Variants in CLIP4 observed in about 807,000 individuals in gnomAD.
The protein encoded by CLIP4 is CAP-Gly domain containing linker protein family member 4.
A neutral mutation model predicts 73.1 loss-of-function variants in CLIP4; 47 were observed. The observed-to-expected ratio is 0.64, with a 90% CI of 0.51 to 0.82. The LOEUF is 0.82. CLIP4 is among the 40% of genes least tolerant of loss of function. The pLI, the probability that CLIP4 is intolerant of heterozygous loss-of-function variation, is 0.00. For synonymous variants in CLIP4, 306 were observed against 295.4 expected (o/e 1.04, Z -0.37); for missense variants, 874 against 852.9 (o/e 1.02, Z -0.31).
intron 1 of CLIP4, among the ~76,000 whole-genome samples, chr2:29,107,371 T>TGTTTTG (rs1558504980): frequency 1.2e-4 from 14 of 119,008 alleles, no homozygotes; most frequent in African/African-American, 4.9e-4. Context: ...TTTTTTTTTT[T>TGTTTTG]TTTTTTTTTT....
chr2:29,138,446 G>A (rs922483827), intron 6 of CLIP4, among the ~76,000 whole-genome samples: 3 of 148,938 alleles, frequency 2.0e-5, no homozygotes, highest in Non-Finnish European at 4.5e-5. Context: ...GATGCCTCTG[G>A]CTTCTGTTCT....
At chr2:29,129,933 G>C (rs1363385384) in intron 2 of CLIP4, 3 of 458,254 alleles carry the variant, frequency 6.5e-6, no homozygotes, top group Non-Finnish European at 1.4e-5. Flanking sequence ...CTTTGCATTA[G>C]ATTCTCTGAA....
At position 29,174,730 on chromosome 2, in the gene CLIP4, T is replaced by TG. The variant is rs1573040572; in HGVS notation, c.1796+285_1796+286insG. Reference sequence around the variant, plus strand: ...AGGAATTTACATATTGTCTTTTCATTAAGTAGGGTGGATTGCTTTTAAACT... The same window carrying TG: ...AGGAATTTACATATTGTCTTTTCATTGAAGTAGGGTGGATTGCTTTTAAACT... On this transcript the variant is annotated intron_variant, in intron 15 of 15. Transcript: ENST00000320081. 3 of 1,011,002 alleles carry TG rather than the reference T, an allele frequency of 3.0e-6. No homozygotes were observed. In the East Asian group the frequency reaches 2.2e-4, roughly 74 times the overall value. 62.6% of individuals were successfully genotyped at this position (1,011,002 alleles called of 1,614,324 possible).
At chr2:29,168,821 C>T (rs1667807649) in intron 14 of CLIP4, among the ~76,000 whole-genome samples, 2 of 151,986 alleles carry the variant, frequency 1.3e-5, no homozygotes, top group African/African-American at 4.8e-5. Context: ...CACGCCCAGC[C>T]TGCACTTTTT....
chr2:29,143,684 AT>A (rs759545973), intron 6 of CLIP4, 24 bp from the exon 7 acceptor site: 1 of 1,498,742 alleles, frequency 6.7e-7, no homozygotes, highest in Non-Finnish European at 9.3e-7. Context: ...AGAGTTGAAC[AT>A]TTTTCTCTTA....
intron 3 of CLIP4, 48 bp from the exon 4 acceptor site, chr2:29,132,104 G>C (rs771672135): frequency 7.1e-7 from 1 of 1,406,334 alleles, no homozygotes; most frequent in Admixed American, 1.7e-5. Flanking sequence ...GAAAGCAATA[G>C]GTACCTCAGT....
chr2:29,154,487 A>C (rs1209290872), intron 9 of CLIP4, among the ~76,000 whole-genome samples: 1 of 152,216 alleles, frequency 6.6e-6, no homozygotes, highest in Non-Finnish European at 1.5e-5. Context: ...CATAGATGGA[A>C]TCCACATTGG....
At chr2:29,114,118 C>T (rs1026313364), upstream of CLIP4, 1 of 152,194 alleles carries the variant, frequency 6.6e-6, no homozygotes, top group East Asian at 1.9e-4. Context: ...GTGCTCCACC[C>T]GATTCAACAA....
Position 29,181,960 on chromosome 2 carries a change from GT to G in CLIP4, c.*70del. 7.5e-7 allele frequency: 1 copy of G among 1,331,132 alleles called. No homozygotes were observed. Among genetic ancestry groups the G allele is most frequent in the Non-Finnish European group, 1.0e-6 (1 of 979,118 alleles). 82.5% of individuals were successfully genotyped at this position (1,331,132 alleles called of 1,614,324 possible). On this transcript the variant is annotated 3_prime_UTR_variant, in exon 16 of 16. Transcript: ENST00000320081. ...GTAAATAAAGAGTCCATGGTAAATG[GT>G]TTACTTTATTTAGCCATATTAAAAT...
In CLIP4 at chr2:29,156,366, CAA is replaced by C; in HGVS notation, c.1184_1185del (p.Lys395ArgfsTer2). 3 of 1,569,618 alleles carry C rather than the reference CAA, an allele frequency of 1.9e-6. No homozygotes were observed. The highest frequency in any genetic ancestry group is 2.6e-6 in the Non-Finnish European group (3 of 1,167,786). On this transcript the variant is annotated frameshift_variant, in exon 10 of 16. Coordinates refer to ENST00000320081, the MANE Select transcript of CLIP4 (RefSeq NM_024692.6). LOFTEE classifies it high-confidence loss of function. ...TTTTGTGTCCAAGGATTAATGACAT[CAA>C]AAAAAGATAGTGCTTCTGAGTCAAC...
chr2:29,131,203 A>T lies in CLIP4; in HGVS notation c.134-55A>T, dbSNP rs544328850. On this transcript the variant is annotated intron_variant, in intron 2 of 15. Coordinates refer to ENST00000320081, the MANE Select transcript of CLIP4 (RefSeq NM_024692.6). The stretch of plus-strand genomic sequence containing the variant: ...CTTGGTTTTATTGTTTATTATTTTC[A>T]ATATATTTATTTGAAACTTTTAGTA... The T allele has an allele frequency of 4.4e-6, 6 of 1,352,784 alleles. No individual in the cohort carries two copies. In the South Asian group the frequency reaches 8.1e-5, roughly 18 times the overall value. 83.8% of individuals were successfully genotyped at this position (1,352,784 alleles called of 1,614,324 possible). A position where few individuals can be genotyped will look rare whatever the true frequency, so the allele number is the denominator to read the frequency against.
chr2:29,170,586 C>G (rs1667937890), intron 14 of CLIP4, among the ~76,000 whole-genome samples: 3 of 152,192 alleles, frequency 2.0e-5, no homozygotes, highest in African/African-American at 2.4e-5. Flanking sequence ...TTTCACAGAG[C>G]AGAAGCTTTT....
At chr2:29,161,560 C>G (rs1368687919) in intron 12 of CLIP4, among the ~76,000 whole-genome samples, 1 of 152,146 alleles carries the variant, frequency 6.6e-6, no homozygotes, top group Non-Finnish European at 1.5e-5. Flanking sequence ...AGAGTCATCA[C>G]AGGTTTGAGA....
At position 29,132,062 on chromosome 2, in the gene CLIP4, G is replaced by A. The variant is rs1452179643; in HGVS notation, c.274-90G>A. 4 of 869,606 alleles carry A rather than the reference G, an allele frequency of 4.6e-6. No individual in the cohort carries two copies. The African/African-American group carries it at 5.0e-5, about 11-fold the overall frequency. The allele number at this position is 869,606 out of a possible 1,614,324, so 53.9% of individuals were successfully genotyped here. ...TTTTACTGAGAAGTAATTCAGATAC[G>A]ATAGACTAACTTGGTTCCTCAGCAT... On this transcript the variant is annotated intron_variant, in intron 3 of 15. Coordinates refer to ENST00000320081, the MANE Select transcript of CLIP4 (RefSeq NM_024692.6).
intron 15 of CLIP4, among the ~76,000 whole-genome samples, chr2:29,176,320 A>G (rs912500469): frequency 1.3e-5 from 2 of 152,150 alleles, no homozygotes; most frequent in Admixed American, 6.5e-5. Context: ...TTGAGAAAGT[A>G]TGTTTCTTGA....
intron 15 of CLIP4, 42 bp downstream of exon 15, chr2:29,174,487 A>G (rs1202156767): frequency 6.3e-7 from 1 of 1,594,116 alleles, no homozygotes; most frequent in Non-Finnish European, 8.5e-7. Context: ...TTCAAGATGA[A>G]CATGATGGGA....
At chr2:29,135,080 A>T (rs977793958) in intron 5 of CLIP4, among the ~76,000 whole-genome samples, 6 of 152,154 alleles carry the variant, frequency 3.9e-5, no homozygotes, top group Non-Finnish European at 7.4e-5. Context: ...CACAGAGGAT[A>T]TGTAAATGAA....
rs1416014765 is a variant in CLIP4 at position 29,157,359 on chromosome 2, T to C, written c.1399+12T>C. 1 of 1,613,776 alleles carries C rather than the reference T, an allele frequency of 6.2e-7. No individual in the cohort carries two copies. The highest frequency in any genetic ancestry group is 1.3e-5 in the African/African-American group (1 of 74,892). ...CAGAGCCAGTGCTGGTATCTATGGC[T>C]TTTTCAACCAGGCTTTCTTGGTGTT... is the stretch of plus-strand genomic sequence containing the variant. On this transcript the variant is annotated intron_variant, in intron 11 of 15. Coordinates refer to ENST00000320081, the MANE Select transcript of CLIP4 (RefSeq NM_024692.6).
chr2:29,183,505 A>G lies in CLIP4; in HGVS notation c.*1612A>G, dbSNP rs1405710474. On this transcript the variant is annotated 3_prime_UTR_variant, in exon 16 of 16. Transcript: ENST00000320081. ...TTATTATACAGATTATTTCTTAAAA[A>G]CTCTATTTATACCTTAACATGAAAT... 3 of 152,540 alleles carry G rather than the reference A, an allele frequency of 2.0e-5. No homozygotes were observed. In the East Asian group the frequency reaches 5.8e-4, roughly 29 times the overall value. The allele number at this position is 152,540 out of a possible 1,614,324, so 9.4% of individuals were successfully genotyped here.
Sources: allele counts gnomAD v4.1 joint callset (sites outside exome capture counted in the v4.1 genomes callset), GRCh38; gene constraint gnomAD v4.1.1; transcripts MANE v1.5; gene names NCBI Gene and HGNC (gene_info 2026-07-23, HGNC 2026-07-21).